GNB1: variants seen among roughly 807,000 people sequenced by gnomAD.
The protein encoded by GNB1 is guanine nucleotide-binding protein G(I)/G(S)/G(T) subunit beta-1.
In GNB1, 2 loss-of-function variants were observed where a neutral mutation model predicts 42.9. The ratio of observed to expected loss-of-function variants is 0.05; its 90% confidence interval spans 0.02 to 0.15. The LOEUF is 0.15. Ranked by LOEUF, GNB1 falls within the 10% of genes least tolerant of loss-of-function variation. The probability of loss-of-function intolerance (pLI) is 1.00; values close to 1 mark genes in which losing one functional copy is unlikely to be tolerated. For missense variants in GNB1, 193 were observed against 462.2 expected (o/e 0.42, Z 5.34); for synonymous variants, 183 against 174.7 (o/e 1.05, Z -0.38).
In GNB1 at chr1:1,842,258, A is replaced by G. The variant is rs538982919; in HGVS notation, c.-95-3020T>C. Among the ~76,000 whole-genome samples, 59 of 152,248 alleles carry G rather than the reference A, an allele frequency of 3.9e-4. No homozygotes were observed. In the South Asian group the frequency reaches 3.9e-3, roughly 10 times the overall value. On this transcript the variant is annotated intron_variant, in intron 1 of 11. Transcript: ENST00000378609. The stretch of plus-strand genomic sequence containing the variant: ...ATCCTGGCTAACACGGTGAAACCCC[A>G]TCTCTACTAAAAATACAAAAAATTA...
intron 2 of GNB1, among the ~76,000 whole-genome samples, chr1:1,834,636 G>A (rs138619426): frequency 2.7e-3 from 409 of 150,636 alleles, no homozygotes; most frequent in Middle Eastern, 0.01. Flanking sequence ...ATCATGCAGC[G>A]CACACAACAG....
rs182203125 is a variant in GNB1, at chr1:1,834,744, G to C, written c.-47+4446C>G. 8.4e-3 allele frequency among the ~76,000 whole-genome samples: 1,237 copies of C among 147,916 alleles called. 21 individuals are homozygous for C. Among genetic ancestry groups the C allele is most frequent in the African/African-American group, 0.029 (1,185 of 40,350 alleles). On this transcript the variant is annotated intron_variant, in intron 2 of 11. Transcript: ENST00000378609. ...AGTGCAGTGGTGCGATCTCGGCTCA[G>C]TGCAACCTCCGCCTCCCGGGTTCAT...
intron 3 of GNB1, among the ~76,000 whole-genome samples, chr1:1,820,624 T>C (rs1326507511): frequency 6.6e-6 from 1 of 152,208 alleles, no homozygotes; most frequent in Non-Finnish European, 1.5e-5. Flanking sequence ...AATACTATTC[T>C]TGTTGATGTT....
chr1:1,885,948 C>T (rs1650130554), intron 1 of GNB1, among the ~76,000 whole-genome samples: 5 of 151,412 alleles, frequency 3.3e-5, no homozygotes, highest in Admixed American at 3.3e-4. Flanking sequence ...GGAGTAATTT[C>T]CACTGATTAC....
At chr1:1,828,133 T>C (rs1453083348) in intron 2 of GNB1, among the ~76,000 whole-genome samples, 3 of 152,038 alleles carry the variant, frequency 2.0e-5, no homozygotes, top group African/African-American at 7.2e-5. Context: ...CCAGCGTGGT[T>C]AACATGGAGA....
intron 1 of GNB1, among the ~76,000 whole-genome samples, chr1:1,885,429 A>T (rs545939129): frequency 7.0e-6 from 1 of 142,872 alleles, no homozygotes; most frequent in South Asian, 2.1e-4. Context: ...AAAAAGAAAG[A>T]AAAAAGGAAT....
intron 1 of GNB1, among the ~76,000 whole-genome samples, chr1:1,864,973 C>T (rs1648843838): frequency 6.6e-6 from 1 of 152,078 alleles, no homozygotes; most frequent in Admixed American, 6.6e-5. Flanking sequence ...ATAAAAACTA[C>T]CAGGCCAGGC....
At chr1:1,824,984 G>C (rs548970080) in intron 3 of GNB1, 1 of 160,932 alleles carries the variant, frequency 6.2e-6, no homozygotes, top group Non-Finnish European at 1.4e-5. Flanking sequence ...AAATACATCA[G>C]ATATACCTGA....
chr1:1,879,133 T>C (rs141917477), intron 1 of GNB1, among the ~76,000 whole-genome samples: 10 of 152,228 alleles, frequency 6.6e-5, no homozygotes, highest in African/African-American at 2.2e-4. Flanking sequence ...GTACTGCACA[T>C]GGGGGCAGGG....
At chr1:1,865,525 G>A (rs1416878058) in intron 1 of GNB1, among the ~76,000 whole-genome samples, 1 of 152,146 alleles carries the variant, frequency 6.6e-6, no homozygotes, top group Non-Finnish European at 1.5e-5. Flanking sequence ...AGCAGAGGTC[G>A]CAGTGAGCCA....
intron 1 of GNB1, among the ~76,000 whole-genome samples, chr1:1,847,403 A>G (rs571321831): frequency 1.7e-3 from 253 of 152,316 alleles, no homozygotes; most frequent in Non-Finnish European, 3.0e-3. Flanking sequence ...GATATTGGAC[A>G]AGGCCCCTGG....
At chr1:1,886,630 T>C (rs537473631) in intron 1 of GNB1, among the ~76,000 whole-genome samples, 18 of 152,338 alleles carry the variant, frequency 1.2e-4, no homozygotes, top group Admixed American at 3.9e-4. Context: ...CTTAACTGAA[T>C]TGCCTACTTC....
chr1:1,858,553 G>C (rs1286466764), intron 1 of GNB1, among the ~76,000 whole-genome samples: 1 of 152,100 alleles, frequency 6.6e-6, no homozygotes. Flanking sequence ...GGTACTTCCA[G>C]AGGGTGGGTC....
intron 7 of GNB1, among the ~76,000 whole-genome samples, chr1:1,802,763 T>TAAAA (rs374872245): frequency 1.2e-4 from 16 of 137,608 alleles, no homozygotes; most frequent in African/African-American, 3.8e-4. Flanking sequence ...GACTCCATCT[T>TAAAA]AAAAAAAAAA....
chr1:1,832,757 G>A (rs764944589), intron 2 of GNB1, among the ~76,000 whole-genome samples: 10 of 152,158 alleles, frequency 6.6e-5, no homozygotes, highest in Admixed American at 2.0e-4. Flanking sequence ...CATTCAGGCT[G>A]CAAGTTTGCC....
chr1:1,795,713 G>A (rs574606951), intron 7 of GNB1, among the ~76,000 whole-genome samples: 65 of 151,814 alleles, frequency 4.3e-4, no homozygotes, highest in African/African-American at 1.5e-3. Context: ...AGTTCACAGC[G>A]GTGCACTCCA....
chr1:1,852,103 G>A (rs910383503), intron 1 of GNB1, among the ~76,000 whole-genome samples: 24 of 152,110 alleles, frequency 1.6e-4, no homozygotes, highest in Non-Finnish European at 2.6e-4. Context: ...ACATATTGTG[G>A]TTGAATATAT....
At chr1:1,860,593 C>T (rs1648566677) in intron 1 of GNB1, among the ~76,000 whole-genome samples, 2 of 149,406 alleles carry the variant, frequency 1.3e-5, no homozygotes, top group African/African-American at 2.5e-5. Context: ...GCCGAGATCA[C>T]GCCACTGCAC....
chr1:1,877,496 A>G (rs1460411293), intron 1 of GNB1, among the ~76,000 whole-genome samples: 2 of 151,642 alleles, frequency 1.3e-5, no homozygotes, highest in Admixed American at 1.3e-4. Context: ...CTTTTTTATA[A>G]AATTTTATTT....
Sources: allele counts gnomAD v4.1 joint callset (sites outside exome capture counted in the v4.1 genomes callset), GRCh38; gene constraint gnomAD v4.1.1; transcripts MANE v1.5; gene names NCBI Gene and HGNC (gene_info 2026-07-23, HGNC 2026-07-21).